The following WDFY3 variants were observed in gnomAD, a reference collection of about 807,000 sequenced individuals.
WDFY3 encodes the protein WD repeat and FYVE domain containing 3.
In WDFY3, 66 loss-of-function variants were observed where a neutral mutation model predicts 409.6. That is an observed-to-expected ratio of 0.16 (90% CI 0.13 to 0.20). The LOEUF (loss-of-function observed/expected upper bound fraction) is 0.20. Ranked by LOEUF, WDFY3 falls within the 10% of genes least tolerant of loss-of-function variation. The pLI is 1.00. For synonymous variants in WDFY3, 1,521 were observed against 1,537.1 expected (o/e 0.99, Z 0.25); for missense variants, 3,031 against 4,298.1 (o/e 0.71, Z 8.24).
chr4:84,797,952 T>G, intron 18 of WDFY3, 44 bp downstream of exon 18: 1 of 1,499,542 alleles, frequency 6.7e-7, no homozygotes, highest in Non-Finnish European at 9.2e-7. Flanking sequence ...CCTACATGAT[T>G]TTCATTCATA....
At chr4:84,769,483 C>T (rs1052052563) in intron 30 of WDFY3, among the ~76,000 whole-genome samples, 17 of 152,176 alleles carry the variant, frequency 1.1e-4, no homozygotes, top group African/African-American at 3.1e-4. Context: ...GGCGCGATCT[C>T]GGCTCACTGC....
At chr4:84,749,671 C>T (rs374753309) in intron 36 of WDFY3, among the ~76,000 whole-genome samples, 2 of 152,178 alleles carry the variant, frequency 1.3e-5, no homozygotes, top group African/African-American at 2.4e-5. Flanking sequence ...TGAGGACTTA[C>T]TGTACTGACA....
At position 84,709,384 on chromosome 4, in the gene WDFY3, T is replaced by C. The variant is rs747846983; in HGVS notation, c.8043-37A>G. The C allele has an allele frequency of 3.2e-6, 5 of 1,550,718 alleles. No individual in the cohort carries two copies. In the African/African-American group the frequency reaches 5.6e-5, roughly 17 times the overall value. On this transcript the variant is annotated intron_variant, in intron 51 of 67. Coordinates refer to ENST00000295888, the MANE Select transcript of WDFY3 (RefSeq NM_014991.6). ...ACATAATACAATAAATTACAAGCAA[T>C]AAAATTTTAAATCTGAAAAATTATA...
rs1734821673 is a variant in WDFY3 at position 84,721,316 on chromosome 4, C to T, written c.7605+93G>A. On this transcript the variant is annotated intron_variant, in intron 47 of 67. Transcript: ENST00000295888. ...CTGTATTTTATTACCGAGGCTAATG[C>T]ATTTACTTTCCACAGCTACCCTATC... 11 of 1,502,954 alleles carry T rather than the reference C, an allele frequency of 7.3e-6. No individual in the cohort carries two copies. In the South Asian group the frequency reaches 1.4e-4, roughly 19 times the overall value. The allele number at this position is 1,502,954 out of a possible 1,614,324, so 93.1% of individuals were successfully genotyped here.
intron 10 of WDFY3, among the ~76,000 whole-genome samples, chr4:84,823,826 G>A (rs571134708): frequency 1.5e-3 from 231 of 152,286 alleles, no homozygotes; most frequent in African/African-American, 5.2e-3. Flanking sequence ...TGATGTGAAT[G>A]CAAAAATTGG....
At chr4:84,703,864 C>A (rs1452800967) in intron 55 of WDFY3, among the ~76,000 whole-genome samples, 1 of 152,212 alleles carries the variant, frequency 6.6e-6, no homozygotes, top group African/African-American at 2.4e-5. Context: ...CTGGCTGTCT[C>A]CTTCAACTGA....
chr4:84,948,152 G>A (rs1231532114), intron 1 of WDFY3, among the ~76,000 whole-genome samples: 1 of 152,102 alleles, frequency 6.6e-6, no homozygotes, highest in Non-Finnish European at 1.5e-5. Context: ...CATTTTCCTT[G>A]CTTCCTCTTA....
At chr4:84,709,133 C>T in intron 52 of WDFY3, 105 bp from the exon 53 acceptor site, 6 of 1,480,436 alleles carry the variant, frequency 4.1e-6, no homozygotes, top group Non-Finnish European at 5.5e-6. Context: ...TTCTTTTTAA[C>T]AGATTTCAGA....
Position 84,682,605 on chromosome 4 carries a change from G to A in WDFY3, c.9727-135C>T, listed in dbSNP as rs191085478. 2.4e-4 allele frequency: 173 copies of A among 733,168 alleles called. No individual in the cohort carries two copies. The African/African-American group carries it at 2.7e-3, about 11-fold the overall frequency. The allele number at this position is 733,168 out of a possible 1,614,324, so 45.4% of individuals were successfully genotyped here. On this transcript the variant is annotated intron_variant, in intron 63 of 67. Coordinates refer to ENST00000295888, the MANE Select transcript of WDFY3 (RefSeq NM_014991.6). ...ATCATGTTATACAGTTAGATTTCCCGTATCTTGGAAGATGTGGCAGCGGGC... is the reference window on the plus strand; with the variant it reads ...ATCATGTTATACAGTTAGATTTCCCATATCTTGGAAGATGTGGCAGCGGGC...
At chr4:84,961,139 C>T (rs1425403160) in intron 1 of WDFY3, among the ~76,000 whole-genome samples, 1 of 150,496 alleles carries the variant, frequency 6.6e-6, no homozygotes, top group African/African-American at 2.5e-5. Context: ...CGCTTGAACC[C>T]GAGAGGTGGA....
In WDFY3 at chr4:84,809,890, T is replaced by C; in HGVS notation, c.2342A>G (p.Asp781Gly). 6.2e-7 allele frequency: 1 copy of C among 1,613,794 alleles called. No homozygotes were observed. The highest frequency in any genetic ancestry group is 8.5e-7 in the Non-Finnish European group (1 of 1,179,818). The change falls in exon 14 of 68, where the codon GAC becomes GGC. Residue 781 changes from aspartate (D) to glycine (G), a missense_variant. Physicochemically the swap from Asp to Gly is moderately conservative, Grantham distance 94. Transcript: ENST00000295888. ...AGAGGACAGAGCAGAGCCATACCTG[T>C]CAAAAGAATCTGTGGCTACTTTGTA... ...YLYKVATDSF[D>G]SRAEQIPPCL...
chr4:84,931,286 A>G (rs906482562), intron 2 of WDFY3, among the ~76,000 whole-genome samples: 8 of 152,216 alleles, frequency 5.3e-5, no homozygotes, highest in Non-Finnish European at 1.2e-4. Flanking sequence ...AAGAAAGCCA[A>G]TGCAAAGCTT....
chr4:84,925,173 C>T (rs1312853280), intron 2 of WDFY3, among the ~76,000 whole-genome samples: 2 of 152,178 alleles, frequency 1.3e-5, no homozygotes, highest in Non-Finnish European at 2.9e-5. Flanking sequence ...TGCCTCAGTG[C>T]CATAAGCATT....
In WDFY3 at chr4:84,739,059, G is replaced by A. The variant is rs1324019641; in HGVS notation, c.6525C>T (p.Ile2175=). 2 of 1,614,108 alleles carry A rather than the reference G, an allele frequency of 1.2e-6. No homozygotes were observed. The highest frequency in any genetic ancestry group is 1.7e-6 in the Non-Finnish European group (2 of 1,179,986). Residue 2175 remains isoleucine, a synonymous_variant, in exon 40 of 68, where the codon ATC becomes ATT. Transcript: ENST00000295888. ...EARMTTWHIM[I]PSDIEPDGSY... Reference sequence around the variant, plus strand: ...TACCATCTGGTTCAATGTCCGAGGGGATCATAATGTGCCATGTGGTCATGC... The same window carrying A: ...TACCATCTGGTTCAATGTCCGAGGGAATCATAATGTGCCATGTGGTCATGC...
chr4:84,943,563 C>A (rs142990155), intron 1 of WDFY3, among the ~76,000 whole-genome samples: 1 of 151,996 alleles, frequency 6.6e-6, no homozygotes, highest in Non-Finnish European at 1.5e-5. Context: ...TATAAATCGA[C>A]GGTTTATGTT....
chr4:84,955,276 G>T (rs902936888), intron 1 of WDFY3, among the ~76,000 whole-genome samples: 1 of 151,742 alleles, frequency 6.6e-6, no homozygotes, highest in East Asian at 1.9e-4. Flanking sequence ...AAGAAGAACA[G>T]TAAAGAGGAA....
Position 84,695,956 on chromosome 4 carries a change from A to T in WDFY3, c.8901+14T>A, listed in dbSNP as rs1365711470. 5 of 1,611,096 alleles carry T rather than the reference A, an allele frequency of 3.1e-6. No homozygotes were observed. The highest frequency in any genetic ancestry group is 4.2e-6 in the Non-Finnish European group (5 of 1,178,354). On this transcript the variant is annotated intron_variant, in intron 58 of 67. Transcript: ENST00000295888. ...AAACAGAGTACATCAATGACAAGAA[A>T]AAAACATCCATACCTGTTTAGGGAT...
chr4:84,835,949 C>T (rs1421585270), intron 7 of WDFY3, among the ~76,000 whole-genome samples: 3 of 152,018 alleles, frequency 2.0e-5, no homozygotes, highest in Admixed American at 6.6e-5. Context: ...TTTACAGGTG[C>T]GAAATCTGCA....
intron 30 of WDFY3, among the ~76,000 whole-genome samples, chr4:84,768,170 A>G (rs954594688): frequency 1.3e-5 from 2 of 152,260 alleles, no homozygotes; most frequent in African/African-American, 2.4e-5. Flanking sequence ...AGCCATCTCC[A>G]TAACAAAAGT....
Sources: gnomAD v4.1 joint callset for allele counts (sites outside exome capture counted in the v4.1 genomes callset) on GRCh38, gnomAD v4.1.1 for gene constraint, MANE v1.5 for transcripts, NCBI Gene and HGNC (gene_info 2026-07-23, HGNC 2026-07-21) for gene names.